The following GSTCD variants were observed in gnomAD, a reference collection of about 807,000 sequenced individuals.
GSTCD encodes glutathione S-transferase C-terminal domain-containing protein.
GSTCD carries 44 observed loss-of-function variants against 68.3 expected under a neutral mutation model. The observed-to-expected ratio is 0.64, with a 90% confidence interval of 0.51 to 0.83. GSTCD has a LOEUF of 0.83. Among genes scored for constraint, GSTCD ranks in the 40% least tolerant of loss-of-function variants. GSTCD has a pLI of 0.00. For missense variants in GSTCD, 739 were observed against 735.9 expected, an observed-to-expected ratio of 1.00 and a Z score of -0.05; for synonymous variants, 273 against 255.2, an observed-to-expected ratio of 1.07 and a Z score of -0.67.
chr4:105,777,306 A>T (rs1735110634), intron 5 of GSTCD, among the ~76,000 whole-genome samples: 1 of 152,158 alleles, frequency 6.6e-6, no homozygotes, highest in South Asian at 2.1e-4. Context: ...ATATATATAT[A>T]TGCTTATCTT....
chr4:105,750,734 T>G (rs1733984454), intron 5 of GSTCD, among the ~76,000 whole-genome samples: 1 of 152,174 alleles, frequency 6.6e-6, no homozygotes, highest in African/African-American at 2.4e-5. Flanking sequence ...GCCCCCTAAC[T>G]GGAAATAACC....
In GSTCD at chr4:105,825,758, T is replaced by G. The variant is rs970367238; in HGVS notation, c.1488T>G (p.Ile496Met). Residue 496 changes from isoleucine (I) to methionine (M), a missense_variant, in exon 8 of 12, where the codon ATT (isoleucine) becomes ATG (methionine). Physicochemically the swap from Ile to Met is conservative, Grantham distance 10 (BLOSUM62 1). Transcript: ENST00000515279. ...DELGLSNIWF[I>M]QANMEYFTGM... ...TGGGTTTAAGCAACATTTGGTTCAT[T>G]CAAGCAAATATGGAATATTTTACTG... 4 of 1,548,464 alleles carry G rather than the reference T, an allele frequency of 2.6e-6. No homozygotes were observed. The highest frequency in any genetic ancestry group is 3.6e-6 in the Non-Finnish European group (4 of 1,121,900).
At chr4:105,735,721 G>A (rs908135133) in intron 5 of GSTCD, among the ~76,000 whole-genome samples, 15 of 151,978 alleles carry the variant, frequency 9.9e-5, no homozygotes, top group Non-Finnish European at 1.6e-4. Flanking sequence ...AGATGAACCC[G>A]GTACATCAGT....
At chr4:105,723,106 C>T (rs1033733839) in intron 3 of GSTCD, among the ~76,000 whole-genome samples, 1 of 151,714 alleles carries the variant, frequency 6.6e-6, no homozygotes, top group African/African-American at 2.4e-5. Flanking sequence ...GTACATCTAA[C>T]AAATAAAAAT....
intron 5 of GSTCD, among the ~76,000 whole-genome samples, chr4:105,819,455 GTCT>G (rs1440957243): frequency 6.6e-6 from 1 of 151,766 alleles, no homozygotes; most frequent in Non-Finnish European, 1.5e-5. Flanking sequence ...CAGAAACTAT[GTCT>G]TCTTATTCAT....
At chr4:105,819,349 A>G (rs1046949501) in intron 5 of GSTCD, among the ~76,000 whole-genome samples, 1 of 151,798 alleles carries the variant, frequency 6.6e-6, no homozygotes, top group Non-Finnish European at 1.5e-5. Context: ...AGGCCATTCT[A>G]ATGTCTCAAG....
chr4:105,710,321 A>G (rs1732490198), intron 1 of GSTCD, among the ~76,000 whole-genome samples: 1 of 140,378 alleles, frequency 7.1e-6, no homozygotes, highest in South Asian at 2.2e-4. Flanking sequence ...CCCGGGCTCA[A>G]GCAATTCTCC....
chr4:105,801,584 A>G (rs1560836515), intron 5 of GSTCD, among the ~76,000 whole-genome samples: 1 of 152,120 alleles, frequency 6.6e-6, no homozygotes. Flanking sequence ...TAAGAAGTAA[A>G]TAAGTATCTA....
At chr4:105,827,111 A>T (rs187752017) in intron 8 of GSTCD, 1 of 152,198 alleles carries the variant, frequency 6.6e-6, no homozygotes, top group South Asian at 2.1e-4. Flanking sequence ...ATTAAAAAAT[A>T]CCTGTGCAGC....
chr4:105,726,980 A>G, intron 4 of GSTCD, 150 bp downstream of exon 4: 1 of 634,430 alleles, frequency 1.6e-6, no homozygotes, highest in South Asian at 2.7e-5. Context: ...TATTTCTGCT[A>G]CTCTTTTCAT....
At chr4:105,842,965 T>C (rs1433225579) in intron 11 of GSTCD, among the ~76,000 whole-genome samples, 3 of 152,200 alleles carry the variant, frequency 2.0e-5, no homozygotes, top group Non-Finnish European at 4.4e-5. Flanking sequence ...GATAAGTGGG[T>C]TCAGTCAAAA....
At chr4:105,808,011 G>C (rs765049806) in intron 5 of GSTCD, among the ~76,000 whole-genome samples, 20 of 152,010 alleles carry the variant, frequency 1.3e-4, no homozygotes. Flanking sequence ...TTGATCCTAT[G>C]ATAATCAGAC....
At position 105,847,429 on chromosome 4, in the gene GSTCD, T is replaced by C. The variant is rs1724593705; in HGVS notation, c.*1852T>C. On this transcript the variant is annotated 3_prime_UTR_variant, in exon 12 of 12. Transcript: ENST00000515279. The stretch of plus-strand genomic sequence containing the variant: ...ACAACATGCTCTTTTATTGTGGACT[T>C]TCTTCTTTTAAGTGAGGTTTAATTT... 1 of 152,230 alleles carries C rather than the reference T, an allele frequency of 6.6e-6. No individual in the cohort carries two copies. Among genetic ancestry groups the C allele is most frequent in the African/African-American group, 2.4e-5 (1 of 41,470 alleles). 9.4% of individuals were successfully genotyped at this position (152,230 alleles called of 1,614,324 possible). A position where few individuals can be genotyped will look rare whatever the true frequency, so the allele number is the denominator to read the frequency against.
At position 105,801,232 on chromosome 4, in the gene GSTCD, C is replaced by A. The variant is rs532455635; in HGVS notation, c.1241-21722C>A. ...GATCAAGTGCAACCTCAGCTAGGAA[C>A]ATGTAATCAGGTGACTCAAATATTT... On this transcript the variant is annotated intron_variant, in intron 5 of 11. Transcript: ENST00000515279. Among the ~76,000 whole-genome samples, 7 of 152,250 alleles carry A rather than the reference C, an allele frequency of 4.6e-5. No individual in the cohort carries two copies. In the East Asian group the frequency reaches 1.4e-3, roughly 29 times the overall value.
chr4:105,754,024 C>T (rs1289446697), intron 5 of GSTCD, among the ~76,000 whole-genome samples: 1 of 151,622 alleles, frequency 6.6e-6, no homozygotes, highest in Non-Finnish European at 1.5e-5. Flanking sequence ...TGATGTAGAT[C>T]CCTGTTTTTC....
chr4:105,748,463 T>A (rs1733887996), intron 5 of GSTCD, among the ~76,000 whole-genome samples: 1 of 152,204 alleles, frequency 6.6e-6, no homozygotes. Context: ...TATTTTCTCT[T>A]CTATTAAGAG....
At chr4:105,730,806 A>G (rs151200090) in intron 5 of GSTCD, among the ~76,000 whole-genome samples, 6,434 of 152,262 alleles carry the variant, frequency 0.042, 189 homozygotes, top group Non-Finnish European at 0.072. Flanking sequence ...GTTAGACATG[A>G]AGTCCTTGCC....
chr4:105,823,133 A>G, intron 6 of GSTCD, 64 bp downstream of exon 6: 2 of 1,566,908 alleles, frequency 1.3e-6, no homozygotes, highest in South Asian at 1.1e-5. Flanking sequence ...TCTATATTAC[A>G]TTCAAGGTCA....
At chr4:105,760,825 TTTAATG>T (rs1375982966) in intron 5 of GSTCD, among the ~76,000 whole-genome samples, 1 of 152,122 alleles carries the variant, frequency 6.6e-6, no homozygotes, top group Admixed American at 6.6e-5. Flanking sequence ...ACTGAGAAGC[TTTAATG>T]TTAAAATCTA....
Sources: gnomAD v4.1 joint callset for allele counts (sites outside exome capture counted in the v4.1 genomes callset) on GRCh38, gnomAD v4.1.1 for gene constraint, MANE v1.5 for transcripts, NCBI Gene and HGNC (gene_info 2026-07-23, HGNC 2026-07-21) for gene names.